Variants in ARHGEF19 observed in about 807,000 individuals in gnomAD.
ARHGEF19 encodes the protein Rho guanine nucleotide exchange factor (GEF) 19.
ARHGEF19 carries 92 observed loss-of-function variants against 87.6 expected under a neutral mutation model. The ratio of observed to expected loss-of-function variants is 1.05; its 90% CI spans 0.89 to 1.25. The LOEUF (loss-of-function observed/expected upper bound fraction) is 1.25. Among genes scored for constraint, ARHGEF19 ranks in the 50% most tolerant of loss-of-function variants. ARHGEF19 has a pLI of 0.00. For synonymous variants in ARHGEF19, 438 were observed against 446.2 expected, an observed-to-expected ratio of 0.98 and a Z score of 0.23; for missense variants, 1,054 against 1,051.8, an observed-to-expected ratio of 1.00 and a Z score of -0.03.
Position 16,208,718 on chromosome 1 carries a change from G to C in ARHGEF19, c.337C>G (p.Leu113Val). 1.2e-6 allele frequency: 2 copies of C among 1,608,804 alleles called. No individual in the cohort carries two copies. Among genetic ancestry groups the C allele is most frequent in the Middle Eastern group, 1.7e-4 (1 of 6,034 alleles). Residue 113 changes from leucine to valine, a missense_variant, in exon 2 of 16, where the codon CTG (leucine) becomes GTG (valine). Physicochemically the swap from Leu to Val is conservative, Grantham distance 32. Coordinates refer to ENST00000270747, the MANE Select transcript of ARHGEF19 (RefSeq NM_153213.5). ...TGTCGGGGACTCCAGGGTCCCTCCA[G>C]AGCTGGGGGCTGGGCACCAGGACAG... ...PHCPGAQPPA[L>V]EGPWSPRHTQ...
Position 16,207,883 on chromosome 1 carries a change from G to GGGCC in ARHGEF19, c.694+60_694+61insGGCC. The stretch of plus-strand genomic sequence containing the variant: ...CTCAGGCGGCCGGTGAGTGGGCATC[G>GGGCC]CCCACCCCCACCCCCACCCGGCATC... On this transcript the variant is annotated intron_variant, in intron 3 of 15. Coordinates refer to ENST00000270747, the MANE Select transcript of ARHGEF19 (RefSeq NM_153213.5). The surrounding 1 kb of genome is among the most constrained non-coding windows in gnomAD (Gnocchi z 4.0). 2 of 1,476,430 alleles carry GGGCC rather than the reference G, an allele frequency of 1.4e-6. No homozygotes were observed. The highest frequency in any genetic ancestry group is 1.9e-6 in the Non-Finnish European group (2 of 1,069,260). The allele number at this position is 1,476,430 out of a possible 1,614,324, so 91.5% of individuals were successfully genotyped here. A position where few individuals can be genotyped will look rare whatever the true frequency, so the allele number is the denominator to read the frequency against.
Position 16,198,562 on chromosome 1 carries a change from T to C in ARHGEF19, c.*25A>G, listed in dbSNP as rs767390299. On this transcript the variant is annotated 3_prime_UTR_variant, in exon 16 of 16. Transcript: ENST00000270747. This position sits in a 1 kb window ranked among gnomAD's most constrained non-coding sequence, Gnocchi z 4.1. ...ACCATCCAGGAGCCAGGCATGGAGG[T>C]GGGGTCCTAGGCCATGGCTGCCCAT... 93 of 1,577,260 alleles carry C rather than the reference T, an allele frequency of 5.9e-5. No homozygotes were observed. The highest frequency in any genetic ancestry group is 7.2e-5 in the Non-Finnish European group (84 of 1,159,472).
Position 16,206,802 on chromosome 1 carries a change from T to A in ARHGEF19, c.1137+146A>T. 1.9e-6 allele frequency: 2 copies of A among 1,076,426 alleles called. No individual in the cohort carries two copies. The highest frequency in any genetic ancestry group is 2.5e-6 in the Non-Finnish European group (2 of 798,444). 66.7% of individuals were successfully genotyped at this position (1,076,426 alleles called of 1,614,324 possible). A position where few individuals can be genotyped will look rare whatever the true frequency, so the allele number is the denominator to read the frequency against. ...TTCCAGACGGCCTCGTGTAGTCAGG[T>A]CCTAGAGCCAACCTTCCGCGCGGAC... On this transcript the variant is annotated intron_variant, in intron 6 of 15. Transcript: ENST00000270747. The surrounding 1 kb of genome is among the most constrained non-coding windows in gnomAD (Gnocchi z 4.6).
chr1:16,208,039 T>TCCGATG lies in ARHGEF19; in HGVS notation c.593_598dup (p.Ala198_Ser199dup), dbSNP rs1298564420. On this transcript the variant is annotated inframe_insertion, in exon 3 of 16. Coordinates refer to ENST00000270747, the MANE Select transcript of ARHGEF19 (RefSeq NM_153213.5). The stretch of plus-strand genomic sequence containing the variant: ...AGAAGAGTGCAGCCGGGTCATCAGC[T>TCCGATG]CCGATGCCGAGAAGCGCCTCCGCTC... The TCCGATG allele has an allele frequency of 3.7e-6, 6 of 1,613,560 alleles. No individual in the cohort carries two copies. The highest frequency in any genetic ancestry group is 2.7e-5 in the African/African-American group (2 of 74,906).
chr1:16,206,039 C>T lies in ARHGEF19; in HGVS notation c.1343G>A (p.Arg448His), dbSNP rs2081129926. The T allele has an allele frequency of 1.3e-6, 2 of 1,591,848 alleles. No homozygotes were observed. Among genetic ancestry groups the T allele is most frequent in the East Asian group, 2.3e-5 (1 of 44,032 alleles). ...LEQRLEADVLRFSVCDVVLDH... is the reference protein window; with the variant it reads ...LEQRLEADVLHFSVCDVVLDH... Reference sequence around the variant, plus strand: ...CAGCACCACGTCGCACACGCTGAAGCGCAGCACATCTGCCTCCAGCCGCTG... The same window carrying T: ...CAGCACCACGTCGCACACGCTGAAGTGCAGCACATCTGCCTCCAGCCGCTG... The change falls in exon 8 of 16, where the codon CGC becomes CAC. Residue 448 changes from arginine to histidine, a missense_variant. By Grantham distance (29) the Arg-to-His change is conservative (BLOSUM62 0). Transcript: ENST00000270747. The surrounding 1 kb of genome is among the most constrained non-coding windows in gnomAD (Gnocchi z 4.6).
In ARHGEF19 at chr1:16,208,808, C is replaced by T. The variant is rs2100291030; in HGVS notation, c.247G>A (p.Gly83Arg). 1.2e-6 allele frequency: 2 copies of T among 1,613,450 alleles called. No individual in the cohort carries two copies. The highest frequency in any genetic ancestry group is 3.3e-4 in the Middle Eastern group (2 of 6,058). The part of the protein sequence containing the change: ...LQGLLWPLSP[G>R]GSDTEITSGG... Reference sequence around the variant, plus strand: ...CTGGTGATCTCTGTATCTGAGCCTCCTGGGGATAATGGCCATAGCAACCCT... The same window carrying T: ...CTGGTGATCTCTGTATCTGAGCCTCTTGGGGATAATGGCCATAGCAACCCT... The change falls in exon 2 of 16, where the codon GGA (glycine) becomes AGA (arginine). Residue 83 changes from glycine (G) to arginine (R), a missense_variant. Gly to Arg is a moderately radical substitution (Grantham distance 125). Transcript: ENST00000270747.
rs12031693 is a variant in ARHGEF19 at position 16,199,172 on chromosome 1, T to C, written c.2229A>G (p.Ser743=). 1.5e-3 allele frequency: 2,374 copies of C among 1,614,056 alleles called. 62 individuals are homozygous for C. In the East Asian group the frequency reaches 0.05, roughly 34 times the overall value. ...CACCGTCACTGGTCCAGGTCCTCAC[T>C]GACAGGATGTCAGTCTTCTCCAAGG... ...ELTLEKTDIL[S]VRTWTSDGWL... Residue 743 remains serine (S), a synonymous_variant, in exon 15 of 16, where the codon TCA becomes TCG. Coordinates refer to ENST00000270747, the MANE Select transcript of ARHGEF19 (RefSeq NM_153213.5).
chr1:16,203,311 C>T (rs979167133), intron 12 of ARHGEF19, among the ~76,000 whole-genome samples: 1 of 152,158 alleles, frequency 6.6e-6, no homozygotes, highest in African/African-American at 2.4e-5. Flanking sequence ...CACCAGTTTG[C>T]CCAAGAGGAA....
At chr1:16,204,274 G>A (rs2081105312) in intron 12 of ARHGEF19, among the ~76,000 whole-genome samples, 1 of 142,540 alleles carries the variant, frequency 7.0e-6, no homozygotes, top group African/African-American at 2.5e-5. Context: ...GTCAGGCATG[G>A]TGCTGCCATC....
At position 16,206,779 on chromosome 1, in the gene ARHGEF19, C is replaced by T. The variant is rs1441166744; in HGVS notation, c.1137+169G>A. On this transcript the variant is annotated intron_variant, in intron 6 of 15. Coordinates refer to ENST00000270747, the MANE Select transcript of ARHGEF19 (RefSeq NM_153213.5). The surrounding 1 kb of genome is among the most constrained non-coding windows in gnomAD (Gnocchi z 4.6). ...GCTCAGCGGCTTGCTGTCCTCGCTT[C>T]CAGACGGCCTCGTGTAGTCAGGTCC... Among the ~76,000 whole-genome samples, 1 of 152,082 alleles carries T rather than the reference C, an allele frequency of 6.6e-6. No individual in the cohort carries two copies. Among genetic ancestry groups the T allele is most frequent in the Non-Finnish European group, 1.5e-5 (1 of 67,988 alleles).
intron 2 of ARHGEF19, among the ~76,000 whole-genome samples, 194 bp from the exon 3 acceptor site, chr1:16,208,419 G>A (rs2081166125): frequency 6.6e-6 from 1 of 152,222 alleles, no homozygotes; most frequent in Non-Finnish European, 1.5e-5. Context: ...GGGCCTGGCT[G>A]CAGTAGACAG....
rs1328401311 is a variant in ARHGEF19, at chr1:16,206,594, C to CA, written c.1138-255_1138-254insT. The CA allele has an allele frequency of 1.7e-5, 9 of 534,852 alleles. No homozygotes were observed. The highest frequency in any genetic ancestry group is 3.0e-5 in the Non-Finnish European group (9 of 298,090). 33.1% of individuals were successfully genotyped at this position (534,852 alleles called of 1,614,324 possible). A position where few individuals can be genotyped will look rare whatever the true frequency, so the allele number is the denominator to read the frequency against. On this transcript the variant is annotated intron_variant, in intron 6 of 15. Transcript: ENST00000270747. This position sits in a 1 kb window ranked among gnomAD's most constrained non-coding sequence, Gnocchi z 4.6. ...GTTCTTCCCAGAGCCCCGCCCACCC[C>CA]CCAGGTCCCGCCCCTGATCCTGGCC...
intron 11 of ARHGEF19, 70 bp from the exon 12 acceptor site, chr1:16,204,989 G>A (rs1557539693): frequency 6.4e-7 from 1 of 1,565,816 alleles, no homozygotes; most frequent in Non-Finnish European, 8.7e-7. Context: ...GTAGATGGGA[G>A]GGTGTGGGCA....
rs757290370 is a variant in ARHGEF19, at chr1:16,208,781, C to A, written c.274G>T (p.Gly92Trp). The change falls in exon 2 of 16, where the codon GGG becomes TGG. Residue 92 changes from glycine to tryptophan, a missense_variant. Gly to Trp is a radical substitution (Grantham distance 184, BLOSUM62 -2). Coordinates refer to ENST00000270747, the MANE Select transcript of ARHGEF19 (RefSeq NM_153213.5). ...CCAGCCCTGCTGGGCCGCATCCCCC[C>A]GCTGGTGATCTCTGTATCTGAGCCT... ...PGGSDTEITS[G>W]GMRPSRAGSW... is the part of the protein sequence containing the mutation. 14 of 1,613,296 alleles carry A rather than the reference C, an allele frequency of 8.7e-6. No homozygotes were observed. Among genetic ancestry groups the A allele is most frequent in the Admixed American group, 1.7e-5 (1 of 59,944 alleles).
chr1:16,198,586 A>G lies in ARHGEF19; in HGVS notation c.*1T>C, dbSNP rs754687833. ...GTGGGGTCCTAGGCCATGGCTGCCC[A>G]TCACACAGGAGCCTCCCCCAGTTTG... On this transcript the variant is annotated 3_prime_UTR_variant, in exon 16 of 16. Coordinates refer to ENST00000270747, the MANE Select transcript of ARHGEF19 (RefSeq NM_153213.5). The surrounding 1 kb of genome is among the most constrained non-coding windows in gnomAD (Gnocchi z 4.1). 2 of 1,604,908 alleles carry G rather than the reference A, an allele frequency of 1.2e-6. No individual in the cohort carries two copies. Among genetic ancestry groups the G allele is most frequent in the Non-Finnish European group, 1.7e-6 (2 of 1,174,974 alleles).
intron 14 of ARHGEF19, among the ~76,000 whole-genome samples, chr1:16,199,734 A>G (rs1252734698): frequency 6.6e-6 from 1 of 152,066 alleles, no homozygotes; most frequent in Non-Finnish European, 1.5e-5. Context: ...GTCCTCTTAG[A>G]ATAAAATCCA....
rs752346436 is a variant in ARHGEF19, at chr1:16,208,041, C to CGAT, written c.594_596dup (p.Ser199dup). On this transcript the variant is annotated inframe_insertion, in exon 3 of 16. Transcript: ENST00000270747. ...AAGAGTGCAGCCGGGTCATCAGCTC[C>CGAT]GATGCCGAGAAGCGCCTCCGCTCAG... is the stretch of plus-strand genomic sequence containing the variant. 6.2e-7 allele frequency: 1 copy of CGAT among 1,613,802 alleles called. No individual in the cohort carries two copies. The highest frequency in any genetic ancestry group is 2.2e-5 in the East Asian group (1 of 44,880).
At chr1:16,200,191 C>T (rs760659872) in intron 14 of ARHGEF19, among the ~76,000 whole-genome samples, 1 of 152,246 alleles carries the variant, frequency 6.6e-6, no homozygotes, top group Non-Finnish European at 1.5e-5. Context: ...AAGCCACAGA[C>T]TGAGGGGCCA....
At chr1:16,202,322 G>C in intron 13 of ARHGEF19, 94 bp downstream of exon 13, 1 of 1,445,922 alleles carries the variant, frequency 6.9e-7, no homozygotes, top group South Asian at 1.4e-5. Context: ...TGTCCCAGGG[G>C]TGCCCGCCAT....
Sources: gnomAD v4.1 joint callset for allele counts (sites outside exome capture counted in the v4.1 genomes callset) on GRCh38, gnomAD v4.1.1 for gene constraint, Gnocchi (gnomAD v3.1) non-coding constraint, MANE v1.5 for transcripts, NCBI Gene and HGNC (gene_info 2026-07-23, HGNC 2026-07-21) for gene names.